The following TTC23 variants were observed in gnomAD, a reference collection of about 807,000 sequenced individuals.
The protein encoded by TTC23 is tetratricopeptide repeat protein 23.
In TTC23, 58 loss-of-function variants were observed where a neutral mutation model predicts 55.1. The observed-to-expected ratio is 1.05, with a 90% CI of 0.85 to 1.31. TTC23 has a LOEUF of 1.31. Among genes scored for constraint, TTC23 ranks in the 50% most tolerant of loss-of-function variants. TTC23 has a pLI of 0.00. For synonymous variants in TTC23, 203 were observed against 199.9 expected, an observed-to-expected ratio of 1.02 and a Z score of -0.13; for missense variants, 516 against 534.4, an observed-to-expected ratio of 0.97 and a Z score of 0.34.
chr15:99,187,469 C>CCCAA (rs1596496232), intron 9 of TTC23, among the ~76,000 whole-genome samples: 1 of 110,648 alleles, frequency 9.0e-6, no homozygotes, highest in Non-Finnish European at 1.8e-5. Context: ...AAAAAAAAAA[C>CCCAA]AAAACAAAAG....
chr15:99,249,692 T>G (rs2080559368), upstream of TTC23: 1 of 152,198 alleles, frequency 6.6e-6, no homozygotes, highest in Non-Finnish European at 1.5e-5. Flanking sequence ...GGTGGGAATT[T>G]TAAAATGAGG....
rs1276038740 is a variant in TTC23, at chr15:99,206,668, T to C, written c.582-6572A>G. On this transcript the variant is annotated intron_variant, in intron 8 of 13. Coordinates refer to ENST00000394132, the MANE Select transcript of TTC23 (RefSeq NM_001288615.3). ...GGTAGCAGTTGTATTGTCTCCTTTT[T>C]TGTCTCTGATTTTACTCATTTGGGT... 2.6e-5 allele frequency among the ~76,000 whole-genome samples: 4 copies of C among 152,276 alleles called. No homozygotes were observed. The East Asian group carries it at 7.7e-4, about 29-fold the overall frequency.
At chr15:99,156,515 G>A (rs566642580) in intron 11 of TTC23, among the ~76,000 whole-genome samples, 9 of 152,156 alleles carry the variant, frequency 5.9e-5, no homozygotes, top group African/African-American at 9.7e-5. Context: ...CACATGGGTG[G>A]GGAGGCCTCA....
intron 13 of TTC23, 96 bp from the exon 14 acceptor site, chr15:99,138,223 T>C: frequency 6.7e-7 from 1 of 1,495,392 alleles, no homozygotes. Flanking sequence ...CCCAGACCCA[T>C]TTATGAGAAG....
At chr15:99,247,368 T>C (rs755159609) in intron 1 of TTC23, among the ~76,000 whole-genome samples, 18 of 152,340 alleles carry the variant, frequency 1.2e-4, no homozygotes, top group Non-Finnish European at 2.2e-4. Context: ...TGTACCCATC[T>C]TCATAGCAGC....
intron 9 of TTC23, among the ~76,000 whole-genome samples, chr15:99,177,354 T>G (rs1020024278): frequency 1.3e-5 from 2 of 152,258 alleles, no homozygotes; most frequent in Non-Finnish European, 2.9e-5. Flanking sequence ...CAACCCCAAA[T>G]TAGCCACTGT....
At chr15:99,202,062 C>T (rs1037268909) in intron 8 of TTC23, among the ~76,000 whole-genome samples, 6 of 152,176 alleles carry the variant, frequency 3.9e-5, no homozygotes, top group African/African-American at 1.4e-4. Flanking sequence ...ACATATCATC[C>T]ATGGCTGCTT....
intron 5 of TTC23, among the ~76,000 whole-genome samples, chr15:99,222,484 C>A (rs2078028780): frequency 6.6e-6 from 1 of 152,124 alleles, no homozygotes; most frequent in Admixed American, 6.5e-5. Flanking sequence ...TGCCATGTTG[C>A]CCAGGCTGTC....
rs1330577439 is a variant in TTC23 at position 99,139,764 on chromosome 15, A to C, written c.1144-365T>G. On this transcript the variant is annotated intron_variant, in intron 12 of 13. Coordinates refer to ENST00000394132, the MANE Select transcript of TTC23 (RefSeq NM_001288615.3). ...TATAGCCTGGAAAAGATTTAAAAAAATAGTTTTGTTTTTTTTGTAAACACA... is the reference window on the plus strand; with the variant it reads ...TATAGCCTGGAAAAGATTTAAAAAACTAGTTTTGTTTTTTTTGTAAACACA... 6 of 1,308,104 alleles carry C rather than the reference A, an allele frequency of 4.6e-6. No individual in the cohort carries two copies. In the African/African-American group the frequency reaches 9.1e-5, roughly 20 times the overall value. 81.0% of individuals were successfully genotyped at this position (1,308,104 alleles called of 1,614,324 possible). A position where few individuals can be genotyped will look rare whatever the true frequency, so the allele number is the denominator to read the frequency against.
chr15:99,164,350 A>G (rs545614497), intron 10 of TTC23, among the ~76,000 whole-genome samples: 245 of 152,360 alleles, frequency 1.6e-3, no homozygotes, highest in African/African-American at 5.6e-3. Flanking sequence ...ACAGGTGGTG[A>G]GCAAATTTGG....
chr15:99,143,242 T>C (rs1330095443), intron 12 of TTC23, among the ~76,000 whole-genome samples: 6 of 152,282 alleles, frequency 3.9e-5, no homozygotes, highest in Admixed American at 3.3e-4. Context: ...ATGTTTTATA[T>C]AGCTATATAT....
intron 1 of TTC23, among the ~76,000 whole-genome samples, chr15:99,247,314 A>G (rs2080334752): frequency 6.7e-6 from 1 of 150,168 alleles, no homozygotes; most frequent in Non-Finnish European, 1.5e-5. Context: ...CCACTCGTAG[A>G]TATACACCCA....
At chr15:99,233,069 T>C (rs2079054672) in intron 4 of TTC23, among the ~76,000 whole-genome samples, 3 of 152,204 alleles carry the variant, frequency 2.0e-5, no homozygotes, top group African/African-American at 7.2e-5. Flanking sequence ...CATTCATATG[T>C]ACAATCTACA....
In TTC23 at chr15:99,232,200, C is replaced by A. The variant is rs148955126; in HGVS notation, c.-21+2788G>T. 4.5e-3 allele frequency among the ~76,000 whole-genome samples: 675 copies of A among 151,430 alleles called. 6 individuals carry two copies. The highest frequency in any genetic ancestry group is 0.016 in the African/African-American group (647 of 41,282). Reference sequence around the variant, plus strand: ...AGGATATAAAGAAAGAAAAATTTGGCGGGGCGCGGTGGCTCACACCTGTAA... The same window carrying A: ...AGGATATAAAGAAAGAAAAATTTGGAGGGGCGCGGTGGCTCACACCTGTAA... On this transcript the variant is annotated intron_variant, in intron 4 of 13. Transcript: ENST00000394132.
chr15:99,167,811 C>G (rs941287038), intron 10 of TTC23, among the ~76,000 whole-genome samples: 47 of 152,288 alleles, frequency 3.1e-4, no homozygotes, highest in African/African-American at 1.0e-3. Flanking sequence ...AAGAGGGAGG[C>G]CTCTCTACAA....
chr15:99,139,393 G>A lies in TTC23; in HGVS notation c.1150C>T (p.Gln384Ter). Residue 384 changes from glutamine (Q) to a stop codon, truncating the protein, a stop_gained, in exon 13 of 14, where the codon CAG (glutamine) becomes TAG (stop). Coordinates refer to ENST00000394132, the MANE Select transcript of TTC23 (RefSeq NM_001288615.3). LOFTEE classifies it high-confidence loss of function. ...GARKKLKKCL[Q>*]IQTLLYGPQD... ...GGTCCATATAAGAGGGTCTGGATCT[G>A]GAGACACTGTAGAACACCAAGCAGC... is the stretch of plus-strand genomic sequence containing the variant. 1 of 1,614,166 alleles carries A rather than the reference G, an allele frequency of 6.2e-7. No individual in the cohort carries two copies. The highest frequency in any genetic ancestry group is 8.5e-7 in the Non-Finnish European group (1 of 1,180,034).
At chr15:99,213,132 C>T (rs753309441) in intron 8 of TTC23, among the ~76,000 whole-genome samples, 3 of 152,174 alleles carry the variant, frequency 2.0e-5, no homozygotes, top group South Asian at 2.1e-4. Context: ...ATCCAAAACA[C>T]CTTGTTAATT....
chr15:99,175,275 G>A (rs1596410223), intron 9 of TTC23, 120 bp from the exon 10 acceptor site: 1 of 761,478 alleles, frequency 1.3e-6, no homozygotes, highest in Non-Finnish European at 2.1e-6. Context: ...TAGAAGAAAT[G>A]ATTTATGTGG....
intron 8 of TTC23, among the ~76,000 whole-genome samples, chr15:99,202,371 TG>T (rs780780474): frequency 6.6e-6 from 1 of 152,130 alleles, no homozygotes; most frequent in Non-Finnish European, 1.5e-5. Context: ...TTTCCCAGAC[TG>T]CCCGTAAAAG....
Sources: gnomAD v4.1 joint callset for allele counts (sites outside exome capture counted in the v4.1 genomes callset) on GRCh38, gnomAD v4.1.1 for gene constraint, MANE v1.5 for transcripts, NCBI Gene and HGNC (gene_info 2026-07-23, HGNC 2026-07-21) for gene names.